The following MAP3K15 variants were observed in gnomAD, a reference collection of about 807,000 sequenced individuals.
MAP3K15 encodes the protein MAPK/ERK kinase kinase 15.
Under a neutral mutation model 99.5 loss-of-function variants are expected in MAP3K15, and 124 were observed. That is an observed-to-expected ratio of 1.25 (90% CI 1.08 to 1.45). The LOEUF (loss-of-function observed/expected upper bound fraction) is 1.45. MAP3K15 is among the 40% of genes most tolerant of loss of function. The pLI is 0.00. For synonymous variants in MAP3K15, 494 were observed against 439.6 expected (o/e 1.12, Z -1.55); for missense variants, 1,242 against 1,079.7 (o/e 1.15, Z -2.11).
At position 19,447,310 on chromosome X, in the gene MAP3K15, A is replaced by G. The variant is rs183789756; in HGVS notation, c.995+9603T>C. Among the ~76,000 whole-genome samples, 423 of 111,676 alleles carry G rather than the reference A, an allele frequency of 3.8e-3. 1 individual carries two copies. Among genetic ancestry groups the G allele is most frequent in the African/African-American group, 0.013 (405 of 30,769 alleles). On this transcript the variant is annotated intron_variant, in intron 6 of 28. Transcript: ENST00000338883. ...AACTGGGATAGAATACAGGCTGCCT[A>G]AATCTCAAACCAACACTTTTCCTAC... is the stretch of plus-strand genomic sequence containing the variant.
At chrX:19,463,377 G>T (rs1244841493) in intron 4 of MAP3K15, among the ~76,000 whole-genome samples, 1 of 111,897 alleles carries the variant, frequency 8.9e-6, no homozygotes, top group African/African-American at 3.2e-5. Flanking sequence ...AGTGTGACAG[G>T]AGGTCCTCTA....
At chrX:19,405,794 C>T (rs774919812) in intron 13 of MAP3K15, among the ~76,000 whole-genome samples, 21 of 111,888 alleles carry the variant, frequency 1.9e-4, no homozygotes, top group Non-Finnish European at 3.6e-4. Context: ...ATGCATAGAG[C>T]GAGAATGTAA....
At chrX:19,398,730 G>A (rs1460447324) in intron 14 of MAP3K15, among the ~76,000 whole-genome samples, 1 of 111,751 alleles carries the variant, frequency 8.9e-6, no homozygotes, top group Non-Finnish European at 1.9e-5. Flanking sequence ...CAAGTTGTCA[G>A]GAAACAAATA....
At chrX:19,484,145 C>T (rs780551079) in intron 3 of MAP3K15, among the ~76,000 whole-genome samples, 2 of 111,837 alleles carry the variant, frequency 1.8e-5, no homozygotes, top group African/African-American at 3.3e-5. Context: ...GGACCAGTAC[C>T]GGTCAGTGGC....
rs755801428 is a variant in MAP3K15, at chrX:19,488,925, G to A, written c.404C>T (p.Ser135Phe). 8.3e-7 allele frequency: 1 copy of A among 1,199,205 alleles called. No homozygotes were observed. The highest frequency in any genetic ancestry group is 1.1e-6 in the Non-Finnish European group (1 of 894,505). ...VDMSDVSRQP[S>F]LFYHLGVRES... Reference sequence around the variant, plus strand: ...TCGGACTCCAAGATGGTAGAAGAGGGAAGGCTGTCTGGAGACATCGCTCAT... The same window carrying A: ...TCGGACTCCAAGATGGTAGAAGAGGAAAGGCTGTCTGGAGACATCGCTCAT... The change falls in exon 2 of 29, where the codon TCC (serine) becomes TTC (phenylalanine). Residue 135 changes from serine (S) to phenylalanine (F), a missense_variant. Coordinates refer to ENST00000338883, the MANE Select transcript of MAP3K15 (RefSeq NM_001001671.4).
At chrX:19,499,963 T>C (rs1009529831) in intron 1 of MAP3K15, among the ~76,000 whole-genome samples, 1 of 112,942 alleles carries the variant, frequency 8.9e-6, no homozygotes, top group Admixed American at 9.4e-5. Context: ...AAAAGAATAA[T>C]TGGCCGGGTG....
At chrX:19,456,470 G>A (rs949164956) in intron 6 of MAP3K15, among the ~76,000 whole-genome samples, 3 of 112,286 alleles carry the variant, frequency 2.7e-5, no homozygotes, top group Admixed American at 1.9e-4. Context: ...CTATGGAGGG[G>A]TTAAGGATTG....
intron 25 of MAP3K15, among the ~76,000 whole-genome samples, chrX:19,367,345 G>A (rs1338142915): frequency 9.0e-6 from 1 of 110,606 alleles, no homozygotes; most frequent in East Asian, 2.8e-4. Context: ...CTGGGAGGAG[G>A]ATCAGGAAAA....
intron 3 of MAP3K15, among the ~76,000 whole-genome samples, chrX:19,471,764 A>G (rs2096752619): frequency 8.9e-6 from 1 of 111,754 alleles, no homozygotes; most frequent in Admixed American, 9.5e-5. Flanking sequence ...ACTTTTCATT[A>G]GAAACAACGA....
chrX:19,486,906 C>T (rs1441258313), intron 2 of MAP3K15, among the ~76,000 whole-genome samples: 2 of 110,916 alleles, frequency 1.8e-5, no homozygotes, highest in South Asian at 3.8e-4. Flanking sequence ...CAGAAGGCAC[C>T]GTGCTATCCC....
rs761246318 is a variant in MAP3K15 at position 19,393,760 on chromosome X, C to CTTTTTTTTTTTTTTTTTTT, written c.2194+1302_2195-1288dup. On this transcript the variant is annotated intron_variant, in intron 16 of 28. Coordinates refer to ENST00000338883, the MANE Select transcript of MAP3K15 (RefSeq NM_001001671.4). ...TGAAAATCTAGCCCACTGCCTGGCT[C>CTTTTTTTTTTTTTTTTTTT]TTTTTTTTTTTTTTTTTTTTTTTTT... Among the ~76,000 whole-genome samples, 2 of 60,243 alleles carry CTTTTTTTTTTTTTTTTTTT rather than the reference C, an allele frequency of 3.3e-5. 1 individual carries two copies. Among genetic ancestry groups the CTTTTTTTTTTTTTTTTTTT allele is most frequent in the African/African-American group, 1.5e-4 (2 of 13,013 alleles). 52.3% of individuals were successfully genotyped at this position (60,243 alleles called of 115,157 possible).
Position 19,426,215 on chromosome X carries a change from TA to T in MAP3K15, c.1279+15del, listed in dbSNP as rs1422180448. On this transcript the variant is annotated intron_variant, in intron 8 of 28. Transcript: ENST00000338883. Reference sequence around the variant, plus strand: ...ATAATCAAAGCAACAACATCTGCAATAATAAGCAGCTTTACCTATTTTCCTT... The same window carrying T: ...ATAATCAAAGCAACAACATCTGCAATATAAGCAGCTTTACCTATTTTCCTT... The T allele has an allele frequency of 1.5e-5, 14 of 961,235 alleles. No individual in the cohort carries two copies. The highest frequency in any genetic ancestry group is 2.0e-5 in the Non-Finnish European group (14 of 712,547). The allele number at this position is 961,235 out of a possible 1,213,427, so 79.2% of individuals were successfully genotyped here. A position where few individuals can be genotyped will look rare whatever the true frequency, so the allele number is the denominator to read the frequency against.
At position 19,380,054 on chromosome X, in the gene MAP3K15, G is replaced by A. The variant is rs1292754222; in HGVS notation, c.2589+66C>T. 3 of 1,066,058 alleles carry A rather than the reference G, an allele frequency of 2.8e-6. No homozygotes were observed. In the African/African-American group the frequency reaches 5.7e-5, roughly 20 times the overall value. The allele number at this position is 1,066,058 out of a possible 1,213,427, so 87.9% of individuals were successfully genotyped here. On this transcript the variant is annotated intron_variant, in intron 19 of 28. Transcript: ENST00000338883. ...TTTGTGGAGAGGTTTTCTGGATTGG[G>A]AGGAGACTTTGTTTTTAATTCTACT...
At chrX:19,439,920 G>A (rs1447559798) in intron 6 of MAP3K15, among the ~76,000 whole-genome samples, 1 of 112,211 alleles carries the variant, frequency 8.9e-6, no homozygotes, top group Non-Finnish European at 1.9e-5. Context: ...TGTTACAGGG[G>A]AGCTGACTCC....
intron 22 of MAP3K15, among the ~76,000 whole-genome samples, chrX:19,371,765 G>A (rs1753618453): frequency 9.0e-6 from 1 of 110,661 alleles, no homozygotes; most frequent in African/African-American, 3.3e-5. Context: ...CCTTGTAAGA[G>A]CCCCCATCAA....
chrX:19,371,990 G>T (rs1041296391), intron 22 of MAP3K15, among the ~76,000 whole-genome samples: 1 of 109,886 alleles, frequency 9.1e-6, no homozygotes, highest in Non-Finnish European at 1.9e-5. Context: ...GAAATTAGCT[G>T]GGTGTGGTGG....
At chrX:19,422,337 A>T (rs1234525290) in intron 9 of MAP3K15, among the ~76,000 whole-genome samples, 1 of 112,166 alleles carries the variant, frequency 8.9e-6, no homozygotes, top group Non-Finnish European at 1.9e-5. Flanking sequence ...TTTACAAGAA[A>T]AAAACAAACA....
intron 7 of MAP3K15, among the ~76,000 whole-genome samples, chrX:19,428,737 T>G (rs1248597297): frequency 9.0e-6 from 1 of 110,677 alleles, no homozygotes; most frequent in East Asian, 2.8e-4. Flanking sequence ...GAGGCCGAGG[T>G]AGGTGGATTG....
chrX:19,410,657 CTGTT>C (rs747764353), intron 11 of MAP3K15, among the ~76,000 whole-genome samples: 2 of 111,676 alleles, frequency 1.8e-5, no homozygotes, highest in South Asian at 3.8e-4. Context: ...GATTTGGGGG[CTGTT>C]TGTTTTAGAA....
Sources: gnomAD v4.1 joint callset for allele counts (sites outside exome capture counted in the v4.1 genomes callset) on GRCh38, gnomAD v4.1.1 for gene constraint, MANE v1.5 for transcripts, NCBI Gene and HGNC (gene_info 2026-07-23, HGNC 2026-07-21) for gene names.